Variants in FYB1 observed in about 807,000 individuals in gnomAD.
FYB1 encodes FYN-binding protein 1.
Under a neutral mutation model 94.1 loss-of-function variants are expected in FYB1, and 41 were observed. The ratio of observed to expected loss-of-function variants is 0.44; its 90% CI spans 0.34 to 0.57. The LOEUF (loss-of-function observed/expected upper bound fraction) is 0.57. FYB1 is among the 20% of genes least tolerant of loss of function. FYB1 has a pLI of 0.02. For synonymous variants in FYB1, 367 were observed against 353.2 expected, an observed-to-expected ratio of 1.04 and a Z score of -0.44; for missense variants, 1,050 against 976.8, an observed-to-expected ratio of 1.07 and a Z score of -1.00.
intron 3 of FYB1, among the ~76,000 whole-genome samples, chr5:39,144,116 T>C (rs1465838025): frequency 1.3e-5 from 2 of 152,234 alleles, no homozygotes; most frequent in Non-Finnish European, 1.5e-5. Context: ...TTAAGAGATT[T>C]GTTACATTAG....
intron 1 of FYB1, among the ~76,000 whole-genome samples, chr5:39,243,698 G>A (rs1322856072): frequency 2.6e-5 from 4 of 152,278 alleles, no homozygotes; most frequent in East Asian, 3.9e-4. Flanking sequence ...GTAGCTGGAT[G>A]GGGATGGCAT....
At chr5:39,215,290 T>G (rs112864039) in intron 1 of FYB1, among the ~76,000 whole-genome samples, 9 of 152,286 alleles carry the variant, frequency 5.9e-5, no homozygotes, top group African/African-American at 2.2e-4. Context: ...ATGTCAAACA[T>G]CTAATATGAA....
chr5:39,219,095 G>A (rs1230081446), intron 1 of FYB1, among the ~76,000 whole-genome samples: 2 of 152,154 alleles, frequency 1.3e-5, no homozygotes. Flanking sequence ...GCCCAGCTCT[G>A]TTGGCAATAA....
At chr5:39,200,738 G>A (rs916720846) in intron 2 of FYB1, among the ~76,000 whole-genome samples, 1 of 152,108 alleles carries the variant, frequency 6.6e-6, no homozygotes, top group Non-Finnish European at 1.5e-5. Context: ...ATAACATATC[G>A]CAAGATGTTT....
intron 2 of FYB1, among the ~76,000 whole-genome samples, chr5:39,184,762 GC>G (rs1261143558): frequency 4.6e-5 from 7 of 151,844 alleles, no homozygotes; most frequent in Admixed American, 6.6e-5. Context: ...TCCATCCTTT[GC>G]CCCCAAGTTC....
At chr5:39,170,726 T>C (rs535878405) in intron 2 of FYB1, among the ~76,000 whole-genome samples, 34 of 152,254 alleles carry the variant, frequency 2.2e-4, no homozygotes, top group Non-Finnish European at 3.8e-4. Context: ...TCATTATGGC[T>C]CCAATTTCAA....
chr5:39,185,258 A>C (rs1427411636), intron 2 of FYB1, among the ~76,000 whole-genome samples: 1 of 152,076 alleles, frequency 6.6e-6, no homozygotes, highest in Non-Finnish European at 1.5e-5. Context: ...TGTTATCATA[A>C]ATACACTGTC....
chr5:39,233,750 T>C (rs1397520644), intron 1 of FYB1, among the ~76,000 whole-genome samples: 1 of 152,116 alleles, frequency 6.6e-6, no homozygotes, highest in South Asian at 2.1e-4. Context: ...ATTGTTTTGG[T>C]TGAAGTATAT....
intron 1 of FYB1, among the ~76,000 whole-genome samples, chr5:39,242,924 T>G (rs1484367075): frequency 6.6e-6 from 1 of 152,242 alleles, no homozygotes; most frequent in African/African-American, 2.4e-5. Context: ...GTCTGTTGGC[T>G]GCATAAATAT....
intron 5 of FYB1, chr5:39,138,906 G>C: frequency 3.4e-6 from 2 of 594,606 alleles, no homozygotes; most frequent in Non-Finnish European, 3.0e-6. Flanking sequence ...ACTATTGTAT[G>C]TAAGTTTGGC....
At chr5:39,239,808 T>C (rs1252742063) in intron 1 of FYB1, among the ~76,000 whole-genome samples, 2 of 152,166 alleles carry the variant, frequency 1.3e-5, no homozygotes, top group Non-Finnish European at 2.9e-5. Flanking sequence ...TAAGAAAAAC[T>C]ATTTTAAAAT....
intron 7 of FYB1, among the ~76,000 whole-genome samples, chr5:39,136,682 T>A (rs1741703093): frequency 6.6e-6 from 1 of 152,202 alleles, no homozygotes. Flanking sequence ...GCAACTGGAA[T>A]TTGAATCAGT....
rs4018945 is a variant in FYB1, at chr5:39,270,926, A to ATGTGTG, written c.-28+3471_-28+3476dup. Reference sequence around the variant, plus strand: ...ATAACTTCTATATTTTTGGATACATATGTGTGTGTGTGTGTGTGTGTGTCT... The same window carrying ATGTGTG: ...ATAACTTCTATATTTTTGGATACATATGTGTGTGTGTGTGTGTGTGTGTGTGTGTCT... On this transcript the variant is annotated intron_variant, in intron 1 of 1. Coordinates refer to the FYB1 transcript ENST00000510188. 6.1e-3 allele frequency: 1,023 copies of ATGTGTG among 166,526 alleles called. 13 individuals are homozygous for ATGTGTG. Among genetic ancestry groups the ATGTGTG allele is most frequent in the Middle Eastern group, 0.023 (8 of 352 alleles). 10.3% of individuals were successfully genotyped at this position (166,526 alleles called of 1,614,324 possible).
chr5:39,137,788 G>C, intron 6 of FYB1, 68 bp from the exon 7 acceptor site: 2 of 1,539,028 alleles, frequency 1.3e-6, no homozygotes, highest in Non-Finnish European at 8.8e-7. Flanking sequence ...TCCCTACCTA[G>C]AAGTTTCTAC....
chr5:39,172,417 G>A (rs1325497513), intron 2 of FYB1, among the ~76,000 whole-genome samples: 1 of 150,940 alleles, frequency 6.6e-6, no homozygotes, highest in Non-Finnish European at 1.5e-5. Context: ...CTCCATGCTA[G>A]GATGGGCGAC....
chr5:39,140,683 T>G (rs996920659), intron 4 of FYB1, among the ~76,000 whole-genome samples: 4 of 152,148 alleles, frequency 2.6e-5, no homozygotes, highest in Non-Finnish European at 5.9e-5. Context: ...GCAAGTGAAA[T>G]GTGGATGCAT....
rs577823106 is a variant in FYB1, at chr5:39,156,204, C to T, written c.1136-2600G>A. Among the ~76,000 whole-genome samples the T allele has an allele frequency of 2.6e-5, 4 of 152,134 alleles. No individual in the cohort carries two copies. In the South Asian group the frequency reaches 8.3e-4, roughly 32 times the overall value. ...TGGAAACACTGAAAACTGACTTTCC[C>T]AAACCCAGGCTTTCTGCCTTTACAC... is the stretch of plus-strand genomic sequence containing the variant. On this transcript the variant is annotated intron_variant, in intron 2 of 18. Coordinates refer to ENST00000512982, the MANE Select transcript of FYB1 (RefSeq NM_001465.6).
At chr5:39,119,997 C>T (rs1739941844) in intron 14 of FYB1, among the ~76,000 whole-genome samples, 1 of 152,076 alleles carries the variant, frequency 6.6e-6, no homozygotes, top group Admixed American at 6.6e-5. Context: ...AATTATGTAG[C>T]TTGGCCAATG....
intron 2 of FYB1, among the ~76,000 whole-genome samples, chr5:39,166,849 GT>G (rs1646352305): frequency 6.6e-6 from 1 of 151,820 alleles, no homozygotes; most frequent in Non-Finnish European, 1.5e-5. Context: ...TAATTAATGG[GT>G]ACAATGTACA....
Sources: gnomAD v4.1 joint callset for allele counts (sites outside exome capture counted in the v4.1 genomes callset) on GRCh38, gnomAD v4.1.1 for gene constraint, MANE v1.5 for transcripts, NCBI Gene and HGNC (gene_info 2026-07-23, HGNC 2026-07-21) for gene names.